Variants in CEP112 observed in about 807,000 individuals in gnomAD.
CEP112 encodes the protein centrosomal protein of 112 kDa.
CEP112 carries 127 observed loss-of-function variants against 153.0 expected under a neutral mutation model. The observed-to-expected ratio is 0.83, with a 90% CI of 0.72 to 0.96. The LOEUF is 0.96. Ranked by LOEUF, CEP112 falls within the 40% of genes least tolerant of loss-of-function variation. The pLI is 0.00. For missense variants in CEP112, 1,089 were observed against 1,101.2 expected (o/e 0.99, Z 0.16); for synonymous variants, 358 against 374.4 (o/e 0.96, Z 0.51).
intron 21 of CEP112, among the ~76,000 whole-genome samples, chr17:65,778,786 G>A (rs537784300): frequency 6.6e-6 from 1 of 152,072 alleles, no homozygotes; most frequent in Non-Finnish European, 1.5e-5. Context: ...TTTCTTCTAA[G>A]TGGAGATAAA....
At chr17:65,800,303 A>G (rs1296877213) in intron 21 of CEP112, among the ~76,000 whole-genome samples, 1 of 152,114 alleles carries the variant, frequency 6.6e-6, no homozygotes, top group East Asian at 1.9e-4. Flanking sequence ...TCTAATCCAC[A>G]TTCTGTTTCT....
intron 23 of CEP112, among the ~76,000 whole-genome samples, chr17:65,702,482 A>G (rs752143547): frequency 6.6e-6 from 1 of 152,222 alleles, no homozygotes; most frequent in Non-Finnish European, 1.5e-5. Flanking sequence ...GTCCAAAAAG[A>G]GGTGAGTACA....
At chr17:65,959,511 G>A (rs1584044) in intron 18 of CEP112, among the ~76,000 whole-genome samples, 1 of 152,060 alleles carries the variant, frequency 6.6e-6, no homozygotes, top group Non-Finnish European at 1.5e-5. Flanking sequence ...CTCCTTGCTC[G>A]CCTTGTTGAA....
chr17:66,153,851 G>A (rs984502019), intron 4 of CEP112, among the ~76,000 whole-genome samples: 1 of 151,984 alleles, frequency 6.6e-6, no homozygotes, highest in African/African-American at 2.4e-5. Flanking sequence ...ACACAAACAA[G>A]ATCTCCTGGT....
Position 66,112,172 on chromosome 17 carries a change from TC to T in CEP112, c.643-15541del, listed in dbSNP as rs373788195. ...CAGGCATGGTGGCAGGCACCTGTAG[TC>T]CCAGCTACTCGGGAGGCTGAGGCAG... On this transcript the variant is annotated intron_variant, in intron 6 of 26. Coordinates refer to ENST00000535342, the MANE Select transcript of CEP112 (RefSeq NM_001199165.4). Among the ~76,000 whole-genome samples, 13 of 152,076 alleles carry T rather than the reference TC, an allele frequency of 8.5e-5. No homozygotes were observed. In the East Asian group the frequency reaches 2.3e-3, roughly 27 times the overall value.
intron 21 of CEP112, among the ~76,000 whole-genome samples, chr17:65,805,555 A>G (rs550896146): frequency 6.6e-6 from 1 of 152,344 alleles, no homozygotes; most frequent in South Asian, 2.1e-4. Flanking sequence ...AAAAGAGTAG[A>G]GGAGTAAGTA....
At chr17:66,110,710 T>G (rs2068997383) in intron 6 of CEP112, among the ~76,000 whole-genome samples, 1 of 149,270 alleles carries the variant, frequency 6.7e-6, no homozygotes. Flanking sequence ...AAAAATCAAC[T>G]CAAGATGGAT....
chr17:65,645,871 G>A (rs1050383467), intron 24 of CEP112, among the ~76,000 whole-genome samples: 2 of 152,178 alleles, frequency 1.3e-5, no homozygotes, highest in Admixed American at 1.3e-4. Flanking sequence ...GCTATTTGCT[G>A]AGAGTTGAGG....
chr17:65,960,858 T>C (rs996608950), intron 18 of CEP112, among the ~76,000 whole-genome samples: 1 of 152,196 alleles, frequency 6.6e-6, no homozygotes, highest in African/African-American at 2.4e-5. Context: ...ATAATGTGAT[T>C]AGACATGAAA....
chr17:66,125,421 A>G (rs1364043504), intron 6 of CEP112, among the ~76,000 whole-genome samples: 2 of 152,304 alleles, frequency 1.3e-5, no homozygotes, highest in South Asian at 2.1e-4. Context: ...GGCTGAGGCA[A>G]GACGATCACT....
At chr17:66,030,131 A>C (rs1037509739) in intron 12 of CEP112, 108 bp from the exon 13 acceptor site, 1 of 874,192 alleles carries the variant, frequency 1.1e-6, no homozygotes, top group Non-Finnish European at 1.7e-6. Flanking sequence ...AATAAAACAA[A>C]TGTATCATAA....
At chr17:65,967,153 T>C (rs964767582) in intron 17 of CEP112, among the ~76,000 whole-genome samples, 4 of 152,216 alleles carry the variant, frequency 2.6e-5, no homozygotes, top group African/African-American at 7.2e-5. Context: ...TTGTCAACAA[T>C]GTAGGCTTAC....
At chr17:65,842,397 G>A (rs1304947397) in intron 21 of CEP112, among the ~76,000 whole-genome samples, 1 of 152,028 alleles carries the variant, frequency 6.6e-6, no homozygotes, top group Non-Finnish European at 1.5e-5. Context: ...TTGCTCTCCT[G>A]GATTGCCAGA....
chr17:65,977,492 T>A (rs1000108216), intron 17 of CEP112, among the ~76,000 whole-genome samples: 3 of 152,202 alleles, frequency 2.0e-5, no homozygotes, highest in Non-Finnish European at 4.4e-5. Flanking sequence ...AAGCTCTTTG[T>A]ACCTCAGAAC....
At chr17:65,794,865 C>T (rs1156564968) in intron 21 of CEP112, among the ~76,000 whole-genome samples, 3 of 152,210 alleles carry the variant, frequency 2.0e-5, no homozygotes, top group Non-Finnish European at 4.4e-5. Context: ...GTCTTTCAAC[C>T]AGTGTTCCCT....
At chr17:66,122,224 C>T (rs1027991722) in intron 6 of CEP112, among the ~76,000 whole-genome samples, 7 of 152,022 alleles carry the variant, frequency 4.6e-5, no homozygotes, top group South Asian at 2.1e-4. Context: ...CTTTAAACAT[C>T]GTTTCCTTTA....
At position 66,150,439 on chromosome 17, in the gene CEP112, G is replaced by A. The variant is rs138994240; in HGVS notation, c.471-17676C>T. ...AGAGACGGGGTTTCACCATTTTGGC[G>A]AGGCTGGTCTTGAACTCCTGACCTC... On this transcript the variant is annotated intron_variant, in intron 4 of 26. Coordinates refer to ENST00000535342, the MANE Select transcript of CEP112 (RefSeq NM_001199165.4). Among the ~76,000 whole-genome samples, 12 of 152,016 alleles carry A rather than the reference G, an allele frequency of 7.9e-5. No homozygotes were observed. In the East Asian group the frequency reaches 1.9e-3, roughly 25 times the overall value.
intron 20 of CEP112, among the ~76,000 whole-genome samples, chr17:65,897,026 C>T (rs1472824168): frequency 6.6e-6 from 1 of 152,022 alleles, no homozygotes; most frequent in African/African-American, 2.4e-5. Context: ...CACACTCTGC[C>T]CTCTCTAATA....
chr17:65,937,612 G>T (rs1222632093), intron 18 of CEP112, among the ~76,000 whole-genome samples: 1 of 97,824 alleles, frequency 1.0e-5, no homozygotes, highest in Non-Finnish European at 2.1e-5. Flanking sequence ...GTCCGGGAGG[G>T]AGGTGGGGGG....
Sources: gnomAD v4.1 joint callset for allele counts (sites outside exome capture counted in the v4.1 genomes callset) on GRCh38, gnomAD v4.1.1 for gene constraint, MANE v1.5 for transcripts, NCBI Gene and HGNC (gene_info 2026-07-23, HGNC 2026-07-21) for gene names.